The following MS4A6E variants were observed in gnomAD, a reference collection of about 807,000 sequenced individuals.
MS4A6E encodes membrane spanning 4-domains A6E, also known as membrane-spanning 4-domains subfamily A member 6E.
A neutral mutation model predicts 13.2 loss-of-function variants in MS4A6E; 8 were observed. The ratio of observed to expected loss-of-function variants is 0.60; its 90% CI spans 0.35 to 1.09. The LOEUF is 1.09. Ranked by LOEUF, MS4A6E falls within the 50% of genes least tolerant of loss-of-function variation. The pLI is 0.02. For synonymous variants in MS4A6E, 72 were observed against 67.6 expected (o/e 1.06, Z -0.32); for missense variants, 177 against 171.1 (o/e 1.03, Z -0.19).
At chr11:60,344,785 T>C (rs2085248370), downstream of MS4A6E, among the ~76,000 whole-genome samples, 2 of 152,220 alleles carry the variant, frequency 1.3e-5, no homozygotes. Flanking sequence ...AGCTAACCTA[T>C]TTCCTTCAGC....
chr11:60,328,029 C>CAAAAAAAAAAA, intron 1 of MS4A6E, among the ~76,000 whole-genome samples: 1 of 82,078 alleles, frequency 1.2e-5, no homozygotes, highest in Non-Finnish European at 2.3e-5. Flanking sequence ...GACTCCATCT[C>CAAAAAAAAAAA]AAAAAAAAAA....
chr11:60,339,827 G>A (rs767950310), intron 3 of MS4A6E, 39 bp from the exon 4 acceptor site: 2 of 1,580,322 alleles, frequency 1.3e-6, no homozygotes, highest in Non-Finnish European at 1.7e-6. Context: ...AGCTTCGGCT[G>A]ACCCAAGCAT....
chr11:60,332,548 T>A (rs1377529975), intron 1 of MS4A6E, among the ~76,000 whole-genome samples: 1 of 152,224 alleles, frequency 6.6e-6, no homozygotes, highest in Non-Finnish European at 1.5e-5. Context: ...ACCAGGGGAA[T>A]CTTCTATTCC....
intron 2 of MS4A6E, chr11:60,335,720 T>G (rs1178145019): frequency 1.3e-4 from 52 of 392,484 alleles, no homozygotes; most frequent in South Asian, 9.8e-4. Flanking sequence ...TACAATCATA[T>G]GGGTTTCTAT....
intron 1 of MS4A6E, among the ~76,000 whole-genome samples, chr11:60,329,144 G>GC (rs1213251141): frequency 4.0e-4 from 51 of 127,890 alleles, no homozygotes; most frequent in African/African-American, 1.6e-3. Flanking sequence ...CCCTCCCCTT[G>GC]CCCCCCACCC....
chr11:60,336,564 A>G (rs1015839448), intron 2 of MS4A6E, among the ~76,000 whole-genome samples: 4 of 152,100 alleles, frequency 2.6e-5, no homozygotes, highest in Admixed American at 1.3e-4. Context: ...GCCCTTTTTG[A>G]GATTGAAGAA....
In MS4A6E at chr11:60,341,140, AG is replaced by A. The variant is rs140989009; in HGVS notation, c.*376del. On this transcript the variant is annotated 3_prime_UTR_variant, in exon 5 of 5. Coordinates refer to ENST00000684409, the MANE Select transcript of MS4A6E (RefSeq NM_139249.4). The stretch of plus-strand genomic sequence containing the variant: ...GATTCAATGGATCACAGTGAGGCAA[AG>A]GATACAGCTTTTTCTTATACTCCTC... Among the ~76,000 whole-genome samples the A allele has an allele frequency of 8.1e-3, 1,240 of 152,308 alleles. 15 individuals carry two copies. Among genetic ancestry groups the A allele is most frequent in the African/African-American group, 0.028 (1,170 of 41,560 alleles).
intron 1 of MS4A6E, among the ~76,000 whole-genome samples, chr11:60,331,978 C>G (rs2085159026): frequency 6.6e-6 from 1 of 152,216 alleles, no homozygotes; most frequent in Admixed American, 6.5e-5. Flanking sequence ...GTCAGATGTC[C>G]TGGCCTCCAA....
chr11:60,336,822 T>C (rs1198373814), intron 2 of MS4A6E, among the ~76,000 whole-genome samples: 2 of 152,210 alleles, frequency 1.3e-5, no homozygotes, highest in Non-Finnish European at 2.9e-5. Flanking sequence ...GCTTTCAGAA[T>C]GCTGTGAGCT....
intron 4 of MS4A6E, among the ~76,000 whole-genome samples, chr11:60,347,999 G>A (rs561923121): frequency 2.1e-4 from 32 of 152,226 alleles, no homozygotes; most frequent in African/African-American, 7.2e-4. Flanking sequence ...CTTAGACAGC[G>A]ATTCGGGTTA....
downstream of MS4A6E, among the ~76,000 whole-genome samples, chr11:60,341,768 A>G (rs1230863407): frequency 2.6e-5 from 4 of 152,048 alleles, no homozygotes; most frequent in Non-Finnish European, 4.4e-5. Flanking sequence ...CTTTTTTTCC[A>G]GTCTCAAATG....
At chr11:60,331,124 A>T (rs10047485) in intron 1 of MS4A6E, among the ~76,000 whole-genome samples, 23,697 of 152,198 alleles carry the variant, frequency 0.16, 2,042 homozygotes, top group East Asian at 0.26. Context: ...TTTATTTTAC[A>T]AAATGTAAGT....
rs1427353891 is a variant in MS4A6E, at chr11:60,337,823, C to T, written c.230C>T (p.Ala77Val). Residue 77 changes from alanine (A) to valine (V), a missense_variant, in exon 3 of 5, where the codon GCA becomes GTA. Ala to Val is a moderately conservative substitution (Grantham distance 64, BLOSUM62 0). Transcript: ENST00000684409. ...GFILLSVNPA[A>V]LNPASLQCKL... is the part of the protein sequence containing the mutation. ...ATTCTCCTGTCTGTCAACCCGGCTGCATTAAATCCTGCCTCATTGCAGTGT... is the reference window on the plus strand; with the variant it reads ...ATTCTCCTGTCTGTCAACCCGGCTGTATTAAATCCTGCCTCATTGCAGTGT... 1.9e-6 allele frequency: 3 copies of T among 1,614,186 alleles called. No homozygotes were observed. Among genetic ancestry groups the T allele is most frequent in the Non-Finnish European group, 2.5e-6 (3 of 1,180,034 alleles).
chr11:60,343,759 T>G (rs1258609363), downstream of MS4A6E, among the ~76,000 whole-genome samples: 1 of 152,224 alleles, frequency 6.6e-6, no homozygotes, highest in Non-Finnish European at 1.5e-5. Flanking sequence ...TCTTTTATGA[T>G]TTTCAGCTTA....
intron 1 of MS4A6E, among the ~76,000 whole-genome samples, chr11:60,329,945 C>G (rs970747993): frequency 5.3e-5 from 8 of 151,506 alleles, no homozygotes; most frequent in African/African-American, 1.7e-4. Flanking sequence ...CCTGCCTCAG[C>G]CTCCTGAGTA....
At chr11:60,337,649 A>G (rs2085195698) in intron 2 of MS4A6E, 92 bp from the exon 3 acceptor site, 1 of 1,481,808 alleles carries the variant, frequency 6.7e-7, no homozygotes, top group Non-Finnish European at 9.4e-7. Flanking sequence ...AGGGAGACAG[A>G]TAAGGGAATA....
chr11:60,347,743 C>G (rs1238354097), intron 4 of MS4A6E, among the ~76,000 whole-genome samples: 6 of 152,204 alleles, frequency 3.9e-5, no homozygotes, highest in East Asian at 1.9e-4. Flanking sequence ...CATAACCCCC[C>G]ACCCCAGCCA....
chr11:60,340,479 G>A (rs1480785661), intron 4 of MS4A6E, among the ~76,000 whole-genome samples: 1 of 152,170 alleles, frequency 6.6e-6, no homozygotes, highest in Non-Finnish European at 1.5e-5. Flanking sequence ...TATTAAAAAT[G>A]TATTGTTGAA....
chr11:60,331,532 T>C (rs1565155174), intron 1 of MS4A6E, among the ~76,000 whole-genome samples: 2 of 152,190 alleles, frequency 1.3e-5, no homozygotes, highest in Non-Finnish European at 2.9e-5. Context: ...TAATGCCCCA[T>C]ATCTTGGACA....
Sources: allele counts gnomAD v4.1 joint callset (sites outside exome capture counted in the v4.1 genomes callset), GRCh38; gene constraint gnomAD v4.1.1; transcripts MANE v1.5; gene names NCBI Gene and HGNC (gene_info 2026-07-23, HGNC 2026-07-21).